POPDC1: variants seen among roughly 807,000 people sequenced by gnomAD.
POPDC1 encodes popeye domain cAMP effector 1.
At chr6:105,125,472 T>G in the POPDC1 span, 1 of 1,614,192 alleles carries the variant, frequency 6.2e-7, no homozygotes, top group African/African-American at 1.3e-5. Context: ...TTTCAAGGTT[T>G]GGATCATGCA....
the POPDC1 span, among the ~76,000 whole-genome samples, chr6:105,132,352 C>T: frequency 6.6e-6 from 1 of 152,226 alleles, no homozygotes; most frequent in East Asian, 1.9e-4. Flanking sequence ...TGTTTGGATA[C>T]TATACCCATT....
chr6:105,115,613 A>T, the POPDC1 span: 1 of 1,528,586 alleles, frequency 6.5e-7, no homozygotes, highest in South Asian at 1.2e-5. Flanking sequence ...TTTTCTAATC[A>T]AAGTTGTCAT....
At chr6:105,127,871 G>T in the POPDC1 span, among the ~76,000 whole-genome samples, 1 of 151,548 alleles carries the variant, frequency 6.6e-6, no homozygotes, top group Non-Finnish European at 1.5e-5. Context: ...AGCGATTCTT[G>T]TGCCTCAGCC....
At chr6:105,129,435 C>CA in the POPDC1 span, 1 of 1,612,628 alleles carries the variant, frequency 6.2e-7, no homozygotes, top group East Asian at 2.2e-5. Context: ...CCCAAGAACA[C>CA]AGAGTTCCAG....
At chr6:105,112,606 A>C in the POPDC1 span, among the ~76,000 whole-genome samples, 2 of 152,202 alleles carry the variant, frequency 1.3e-5, no homozygotes, top group South Asian at 4.1e-4. Context: ...ATTGAAATGG[A>C]TTACATTAAC....
the POPDC1 span, among the ~76,000 whole-genome samples, chr6:105,118,126 C>T: frequency 1.3e-5 from 2 of 152,166 alleles, no homozygotes; most frequent in Non-Finnish European, 2.9e-5. Flanking sequence ...AACCAATGTC[C>T]ATTAAACTGA....
At chr6:105,100,280 T>A in the POPDC1 span, 8 of 151,280 alleles carry the variant, frequency 5.3e-5, no homozygotes, top group African/African-American at 1.2e-4. Context: ...GAGGCCAAGG[T>A]GGGCGGATCA....
chr6:105,123,635 C>T, the POPDC1 span, among the ~76,000 whole-genome samples: 1 of 152,146 alleles, frequency 6.6e-6, no homozygotes, highest in Non-Finnish European at 1.5e-5. Context: ...CTCCTGACCT[C>T]GTGATCTGCC....
At chr6:105,124,398 A>G in the POPDC1 span, 1 of 572,160 alleles carries the variant, frequency 1.7e-6, no homozygotes, top group East Asian at 3.2e-5. Context: ...AAAAAAAAAA[A>G]AAAAAAAAAA....
chr6:105,123,226 C>T, the POPDC1 span, among the ~76,000 whole-genome samples: 1 of 152,182 alleles, frequency 6.6e-6, no homozygotes, highest in Non-Finnish European at 1.5e-5. Flanking sequence ...ATCCCATTCT[C>T]AGGATATTAC....
the POPDC1 span, among the ~76,000 whole-genome samples, chr6:105,116,170 C>A: frequency 6.6e-6 from 1 of 151,234 alleles, no homozygotes; most frequent in Non-Finnish European, 1.5e-5. Context: ...ACAGAAACGA[C>A]GTTTTTAAAA....
At chr6:105,103,304 A>T in the POPDC1 span, among the ~76,000 whole-genome samples, 1 of 152,202 alleles carries the variant, frequency 6.6e-6, no homozygotes, top group East Asian at 1.9e-4. Context: ...AGAACATAAA[A>T]ATCAATTACT....
At chr6:105,101,056 C>A in the POPDC1 span, 1 of 1,582,834 alleles carries the variant, frequency 6.3e-7, no homozygotes, top group Non-Finnish European at 8.6e-7. Flanking sequence ...TTCAAGACAC[C>A]TTCCGTCTTG....
the POPDC1 span, among the ~76,000 whole-genome samples, chr6:105,127,747 T>C: frequency 6.6e-6 from 1 of 151,446 alleles, no homozygotes; most frequent in Non-Finnish European, 1.5e-5. Flanking sequence ...CATGAAGCCC[T>C]CTTAATTCTT....
At chr6:105,115,074 G>A in the POPDC1 span, among the ~76,000 whole-genome samples, 5 of 152,218 alleles carry the variant, frequency 3.3e-5, no homozygotes, top group Non-Finnish European at 7.3e-5. Context: ...GACTCTTAGA[G>A]TATTCTGGTG....
At chr6:105,111,764 A>G in the POPDC1 span, among the ~76,000 whole-genome samples, 1 of 152,184 alleles carries the variant, frequency 6.6e-6, no homozygotes, top group African/African-American at 2.4e-5. Flanking sequence ...AGAGTACAAC[A>G]TGAGAAATGG....
At chr6:105,115,038 C>T in the POPDC1 span, among the ~76,000 whole-genome samples, 8 of 152,206 alleles carry the variant, frequency 5.3e-5, no homozygotes. Flanking sequence ...ACAAACAAAA[C>T]CAAAGCAAAA....
At chr6:105,126,609 T>G in the POPDC1 span, among the ~76,000 whole-genome samples, 6 of 152,308 alleles carry the variant, frequency 3.9e-5, no homozygotes, top group Non-Finnish European at 5.9e-5. Context: ...CAGAAAACCT[T>G]TTCTGTGAAA....
the POPDC1 span, chr6:105,101,157 C>T: frequency 6.2e-7 from 1 of 1,613,624 alleles, no homozygotes; most frequent in Non-Finnish European, 8.5e-7. Flanking sequence ...TCATCTTCTG[C>T]TCCTTCTTCT....
Sources: allele counts gnomAD v4.1 joint callset (sites outside exome capture counted in the v4.1 genomes callset), GRCh38; gene constraint gnomAD v4.1.1; transcripts MANE v1.5; gene names NCBI Gene and HGNC (gene_info 2026-07-23, HGNC 2026-07-21).